PITPNC1: variants seen among roughly 807,000 people sequenced by gnomAD.
PITPNC1 encodes the protein cytoplasmic phosphatidylinositol transfer protein 1.
PITPNC1 carries 18 observed loss-of-function variants against 44.7 expected under a neutral mutation model. The ratio of observed to expected loss-of-function variants is 0.40; its 90% CI spans 0.28 to 0.60. The LOEUF is 0.60. Ranked by LOEUF, PITPNC1 falls within the 20% of genes least tolerant of loss-of-function variation. The pLI, the probability that PITPNC1 is intolerant of heterozygous loss-of-function variation, is 0.39. For missense variants in PITPNC1, 290 were observed against 418.4 expected (o/e 0.69, Z 2.68); for synonymous variants, 141 against 149.6 (o/e 0.94, Z 0.42).
At chr17:67,406,922 A>G (rs2038409711) in intron 1 of PITPNC1, among the ~76,000 whole-genome samples, 1 of 152,214 alleles carries the variant, frequency 6.6e-6, no homozygotes, top group African/African-American at 2.4e-5. Flanking sequence ...ATGGATATAC[A>G]TATATATTTC....
chr17:67,513,487 G>GTA lies in PITPNC1; in HGVS notation c.49-19314_49-19313insAT, dbSNP rs1442010835. Among the ~76,000 whole-genome samples the GTA allele has an allele frequency of 4.4e-4, 60 of 136,914 alleles. 1 individual carries two copies. Among genetic ancestry groups the GTA allele is most frequent in the African/African-American group, 1.4e-3 (46 of 32,994 alleles). 89.8% of individuals were successfully genotyped at this position (136,914 alleles called of 152,430 possible). On this transcript the variant is annotated intron_variant, in intron 1 of 8. Transcript: ENST00000581322. ...CTATATTTTTACTATATGTGTGTGT[G>GTA]TGTATATATATATATATATATATAT...
chr17:67,590,338 T>A (rs2041373633), intron 5 of PITPNC1, among the ~76,000 whole-genome samples: 1 of 152,208 alleles, frequency 6.6e-6, no homozygotes, highest in Non-Finnish European at 1.5e-5. Flanking sequence ...TACACAGCAC[T>A]CTGACTATGT....
At chr17:67,438,997 A>G (rs572774492) in intron 1 of PITPNC1, among the ~76,000 whole-genome samples, 10 of 152,328 alleles carry the variant, frequency 6.6e-5, no homozygotes, top group Admixed American at 1.3e-4. Flanking sequence ...TCTCCACAAA[A>G]TACAGGTCCA....
At chr17:67,451,935 C>T (rs946852877) in intron 1 of PITPNC1, among the ~76,000 whole-genome samples, 3 of 151,650 alleles carry the variant, frequency 2.0e-5, no homozygotes, top group African/African-American at 4.8e-5. Flanking sequence ...CACGCCTGGC[C>T]GAGACTGGCT....
chr17:67,613,929 CAAAAAAAAAAAA>C (rs61136281), intron 5 of PITPNC1: 2 of 42,784 alleles, frequency 4.7e-5, no homozygotes, highest in African/African-American at 2.0e-4. Flanking sequence ...CCTATCTCTA[CAAAAAAAAAAAA>C]AAAAAAAAAA....
At chr17:67,528,317 C>G (rs758227808) in intron 1 of PITPNC1, among the ~76,000 whole-genome samples, 11 of 152,362 alleles carry the variant, frequency 7.2e-5, no homozygotes, top group Non-Finnish European at 1.2e-4. Flanking sequence ...GCTGGAATTA[C>G]AGGCATGAGC....
chr17:67,650,972 G>A (rs1203744841), intron 6 of PITPNC1, among the ~76,000 whole-genome samples: 1 of 152,164 alleles, frequency 6.6e-6, no homozygotes, highest in Admixed American at 6.6e-5. Flanking sequence ...TCATTTTGCA[G>A]AGAAAAAACA....
intron 1 of PITPNC1, among the ~76,000 whole-genome samples, chr17:67,382,552 T>C (rs1429130795): frequency 6.6e-6 from 1 of 152,186 alleles, no homozygotes; most frequent in East Asian, 1.9e-4. Context: ...AGAGTTGCTA[T>C]AGAGAGAAAG....
In PITPNC1 at chr17:67,456,352, G is replaced by A. The variant is rs1214213307; in HGVS notation, c.49-76450G>A. On this transcript the variant is annotated intron_variant, in intron 1 of 8. Coordinates refer to ENST00000581322, the MANE Select transcript of PITPNC1 (RefSeq NM_012417.4). ...ATAGCTAAATTAAGAAAAAAATCTC[G>A]AGTCTGGGTTTTTAAACCAGCTATT... 2.0e-5 allele frequency among the ~76,000 whole-genome samples: 3 copies of A among 152,116 alleles called. No individual in the cohort carries two copies. In the East Asian group the frequency reaches 5.8e-4, roughly 29 times the overall value.
intron 6 of PITPNC1, among the ~76,000 whole-genome samples, chr17:67,664,349 G>A (rs2042392046): frequency 6.6e-6 from 1 of 152,128 alleles, no homozygotes; most frequent in African/African-American, 2.4e-5. Flanking sequence ...GCAGTTGCTG[G>A]GTAGCTCTGT....
chr17:67,624,304 T>G (rs1007715637), intron 5 of PITPNC1, among the ~76,000 whole-genome samples: 3 of 142,208 alleles, frequency 2.1e-5, no homozygotes, highest in African/African-American at 7.8e-5. Flanking sequence ...CTCCACTGCC[T>G]AGGCTCAAGC....
At chr17:67,522,640 T>A (rs1263050947) in intron 1 of PITPNC1, among the ~76,000 whole-genome samples, 2 of 149,236 alleles carry the variant, frequency 1.3e-5, no homozygotes, top group Non-Finnish European at 3.0e-5. Context: ...ATACATATCA[T>A]AAAATTTACC....
At chr17:67,383,360 A>G (rs114985525) in intron 1 of PITPNC1, among the ~76,000 whole-genome samples, 114 of 152,310 alleles carry the variant, frequency 7.5e-4, no homozygotes, top group African/African-American at 2.6e-3. Context: ...CTGTTCTACT[A>G]TATGGAATTC....
chr17:67,535,654 A>G (rs2040517711), intron 2 of PITPNC1, among the ~76,000 whole-genome samples: 1 of 152,194 alleles, frequency 6.6e-6, no homozygotes, highest in Non-Finnish European at 1.5e-5. Flanking sequence ...TAGTAAGGAA[A>G]AAGATTAATG....
chr17:67,542,442 G>A (rs375772592), intron 2 of PITPNC1, among the ~76,000 whole-genome samples: 2 of 152,198 alleles, frequency 1.3e-5, no homozygotes, highest in Non-Finnish European at 2.9e-5. Context: ...TGACTGCCTT[G>A]TGGGTTGGGC....
intron 5 of PITPNC1, among the ~76,000 whole-genome samples, chr17:67,591,437 A>T (rs1373751631): frequency 6.6e-6 from 1 of 152,170 alleles, no homozygotes; most frequent in Non-Finnish European, 1.5e-5. Flanking sequence ...ATCAATGTTA[A>T]ACTTCCTAAT....
At chr17:67,441,705 A>G (rs757442138) in intron 1 of PITPNC1, among the ~76,000 whole-genome samples, 14 of 152,174 alleles carry the variant, frequency 9.2e-5, no homozygotes, top group Non-Finnish European at 5.9e-5. Flanking sequence ...AAGTGACAGA[A>G]GAGTGTCACT....
In PITPNC1 at chr17:67,564,601, A is replaced by G. The variant is rs187388393; in HGVS notation, c.294+10984A>G. Among the ~76,000 whole-genome samples, 96 of 152,330 alleles carry G rather than the reference A, an allele frequency of 6.3e-4. 3 individuals carry two copies. Among genetic ancestry groups the G allele is most frequent in the South Asian group, 5.2e-3 (25 of 4,828 alleles). ...GACACACCTAAAATAAGGCTTTACT[A>G]GGCTTCTAGGTATTCCTTAATCTAG... is the stretch of plus-strand genomic sequence containing the variant. On this transcript the variant is annotated intron_variant, in intron 4 of 8. Transcript: ENST00000581322.
intron 5 of PITPNC1, among the ~76,000 whole-genome samples, chr17:67,624,793 G>A (rs2041876134): frequency 6.6e-6 from 1 of 151,972 alleles, no homozygotes; most frequent in East Asian, 1.9e-4. Flanking sequence ...AAAAGTGCTG[G>A]GATTACAGGT....
Sources: allele counts gnomAD v4.1 joint callset (sites outside exome capture counted in the v4.1 genomes callset), GRCh38; gene constraint gnomAD v4.1.1; transcripts MANE v1.5; gene names NCBI Gene and HGNC (gene_info 2026-07-23, HGNC 2026-07-21).